SNX29: variants seen among roughly 807,000 people sequenced by gnomAD.
SNX29 encodes the protein sorting nexin 29.
Under a neutral mutation model 102.1 loss-of-function variants are expected in SNX29, and 78 were observed. That is an observed-to-expected ratio of 0.76 (90% CI 0.64 to 0.92). SNX29 has a LOEUF of 0.92. SNX29 is among the 40% of genes least tolerant of loss of function. The pLI, the probability that SNX29 is intolerant of heterozygous loss-of-function variation, is 0.00. For synonymous variants in SNX29, 580 were observed against 414.5 expected (o/e 1.40, Z -4.85); for missense variants, 1,280 against 1,061.7 (o/e 1.21, Z -2.86).
intron 15 of SNX29, among the ~76,000 whole-genome samples, chr16:12,286,517 T>C (rs897595027): frequency 5.9e-5 from 9 of 151,880 alleles, no homozygotes; most frequent in Non-Finnish European, 1.3e-4. Flanking sequence ...GTTAATTTTT[T>C]TGTATTTTTA....
At chr16:12,108,811 C>T (rs2053377819) in intron 11 of SNX29, among the ~76,000 whole-genome samples, 1 of 152,076 alleles carries the variant, frequency 6.6e-6, no homozygotes, top group South Asian at 2.1e-4. Context: ...TTGCTTATAA[C>T]AGAGTACTTG....
At chr16:11,993,719 G>A (rs1054201020) in intron 1 of SNX29, among the ~76,000 whole-genome samples, 3 of 152,170 alleles carry the variant, frequency 2.0e-5, no homozygotes, top group Non-Finnish European at 2.9e-5. Flanking sequence ...GGAGGTCACT[G>A]TAGCTTGAAT....
At chr16:12,509,821 C>G (rs562125424) in intron 19 of SNX29, among the ~76,000 whole-genome samples, 1 of 152,230 alleles carries the variant, frequency 6.6e-6, no homozygotes, top group South Asian at 2.1e-4. Context: ...AATGCCGTTC[C>G]CAGCTCCTGG....
chr16:12,442,874 TCAGCCACCATAC>T, intron 18 of SNX29: 1 of 381,728 alleles, frequency 2.6e-6, no homozygotes, highest in Non-Finnish European at 5.2e-6. Context: ...ATTTTAGGTG[TCAGCCACCATAC>T]CTGGCTGTGT....
At chr16:12,484,189 C>A (rs1252850358) in intron 19 of SNX29, among the ~76,000 whole-genome samples, 1 of 152,154 alleles carries the variant, frequency 6.6e-6, no homozygotes, top group Non-Finnish European at 1.5e-5. Flanking sequence ...CTCTCTGTCA[C>A]CCAGGCTGGA....
chr16:12,241,436 G>A (rs890845932), intron 14 of SNX29, among the ~76,000 whole-genome samples: 1 of 152,020 alleles, frequency 6.6e-6, no homozygotes, highest in Non-Finnish European at 1.5e-5. Context: ...CTCTGTGTTG[G>A]TCTGTCTGTA....
intron 20 of SNX29, among the ~76,000 whole-genome samples, chr16:12,534,231 G>A (rs913765773): frequency 8.5e-5 from 13 of 152,226 alleles, no homozygotes; most frequent in African/African-American, 2.9e-4. Flanking sequence ...AGTAATCGTC[G>A]GGCTAGAGAT....
chr16:12,343,027 A>G (rs967624573), intron 15 of SNX29, among the ~76,000 whole-genome samples: 2 of 152,232 alleles, frequency 1.3e-5, no homozygotes, highest in Non-Finnish European at 2.9e-5. Context: ...GATGCTCATA[A>G]AATTTAATGT....
intron 20 of SNX29, among the ~76,000 whole-genome samples, chr16:12,553,635 G>C (rs1038833724): frequency 1.4e-5 from 2 of 142,990 alleles, no homozygotes; most frequent in African/African-American, 5.2e-5. Flanking sequence ...TTGTTGCCCA[G>C]GCTGGAGTGC....
At position 12,188,707 on chromosome 16, in the gene SNX29, G is replaced by C. The variant is rs185134623; in HGVS notation, c.1596-10894G>C. Among the ~76,000 whole-genome samples, 309 of 152,198 alleles carry C rather than the reference G, an allele frequency of 2.0e-3. 1 individual carries two copies. The highest frequency in any genetic ancestry group is 4.0e-3 in the South Asian group (19 of 4,802). Reference sequence around the variant, plus strand: ...AAATAAATAGTGCAAGGATGGTTACGGGGGAGAGAGCACTAAAAATCAAAC... The same window carrying C: ...AAATAAATAGTGCAAGGATGGTTACCGGGGAGAGAGCACTAAAAATCAAAC... On this transcript the variant is annotated intron_variant, in intron 13 of 20. Transcript: ENST00000566228.
At chr16:12,111,931 A>G (rs2053517351) in intron 11 of SNX29, among the ~76,000 whole-genome samples, 1 of 152,176 alleles carries the variant, frequency 6.6e-6, no homozygotes, top group African/African-American at 2.4e-5. Flanking sequence ...CACTCACTGC[A>G]TAGCAGTGAA....
At chr16:12,555,327 C>T (rs541652003) in intron 20 of SNX29, among the ~76,000 whole-genome samples, 6 of 151,718 alleles carry the variant, frequency 4.0e-5, no homozygotes, top group Non-Finnish European at 7.4e-5. Context: ...CCCAGTGTTT[C>T]TTGGCACCTG....
intron 13 of SNX29, among the ~76,000 whole-genome samples, chr16:12,161,919 A>C (rs1207871418): frequency 6.6e-6 from 1 of 152,146 alleles, no homozygotes; most frequent in Non-Finnish European, 1.5e-5. Flanking sequence ...CCTTCCATAT[A>C]AATTACCCAG....
Position 12,082,406 on chromosome 16 carries a change from A to G in SNX29, c.1402+3491A>G, listed in dbSNP as rs575225700. ...TGTCAGCTGCGTCTCAGGTCCACAT[A>G]GAGCATGGTGTCTGGGCCTTCCTCA... On this transcript the variant is annotated intron_variant, in intron 11 of 20. Coordinates refer to ENST00000566228, the MANE Select transcript of SNX29 (RefSeq NM_032167.5). Among the ~76,000 whole-genome samples, 51 of 152,260 alleles carry G rather than the reference A, an allele frequency of 3.3e-4. No homozygotes were observed. The South Asian group carries it at 0.01, about 31-fold the overall frequency.
At chr16:12,426,524 T>C (rs2085086549) in intron 18 of SNX29, among the ~76,000 whole-genome samples, 1 of 152,182 alleles carries the variant, frequency 6.6e-6, no homozygotes, top group Admixed American at 6.5e-5. Context: ...ATAATGTGCC[T>C]TCACAAGTAA....
At chr16:12,416,428 T>C (rs1052833270) in intron 18 of SNX29, among the ~76,000 whole-genome samples, 2 of 152,158 alleles carry the variant, frequency 1.3e-5, no homozygotes, top group African/African-American at 4.8e-5. Flanking sequence ...TCTGAATGTT[T>C]CCACCACAAA....
intron 15 of SNX29, among the ~76,000 whole-genome samples, chr16:12,283,263 T>C (rs1490187647): frequency 1.3e-5 from 2 of 151,970 alleles, no homozygotes; most frequent in Non-Finnish European, 2.9e-5. Flanking sequence ...GTTGTGAGGT[T>C]GAAACAGAGA....
intron 15 of SNX29, among the ~76,000 whole-genome samples, chr16:12,338,571 CTG>C (rs773678079): frequency 8.5e-5 from 13 of 152,206 alleles, no homozygotes; most frequent in Non-Finnish European, 1.6e-4. Flanking sequence ...GATGAGAAAA[CTG>C]AGTCTCAGAA....
intron 1 of SNX29, among the ~76,000 whole-genome samples, chr16:11,998,628 G>T (rs1170495849): frequency 6.6e-6 from 1 of 152,136 alleles, no homozygotes; most frequent in East Asian, 1.9e-4. Context: ...ACATGTTTAT[G>T]ATTAAGGCAT....
Sources: allele counts gnomAD v4.1 joint callset (sites outside exome capture counted in the v4.1 genomes callset), GRCh38; gene constraint gnomAD v4.1.1; transcripts MANE v1.5; gene names NCBI Gene and HGNC (gene_info 2026-07-23, HGNC 2026-07-21).